MYO3B: variants seen among roughly 807,000 people sequenced by gnomAD.
The protein encoded by MYO3B is myosin-IIIb.
MYO3B carries 156 observed loss-of-function variants against 174.6 expected under a neutral mutation model. The ratio of observed to expected loss-of-function variants is 0.89; its 90% confidence interval spans 0.78 to 1.02. The LOEUF is 1.02. Among genes scored for constraint, MYO3B ranks in the 50% least tolerant of loss-of-function variants. MYO3B has a pLI of 0.00. For synonymous variants in MYO3B, 563 were observed against 569.1 expected (o/e 0.99, Z 0.15); for missense variants, 1,632 against 1,639.4 (o/e 1.00, Z 0.08).
intron 23 of MYO3B, among the ~76,000 whole-genome samples, chr2:170,457,883 C>T (rs1369427425): frequency 6.6e-6 from 1 of 152,052 alleles, no homozygotes; most frequent in Non-Finnish European, 1.5e-5. Context: ...GCCTCCTGAG[C>T]AGTTGGGACT....
At chr2:170,632,485 AG>A (rs1575299840) in intron 32 of MYO3B, among the ~76,000 whole-genome samples, 1 of 152,226 alleles carries the variant, frequency 6.6e-6, no homozygotes, top group Non-Finnish European at 1.5e-5. Context: ...AGCAGTGTGT[AG>A]AGGGAAACTT....
intron 7 of MYO3B, among the ~76,000 whole-genome samples, chr2:170,323,657 C>T (rs2105502479): frequency 6.6e-6 from 1 of 152,320 alleles, no homozygotes; most frequent in Non-Finnish European, 1.5e-5. Flanking sequence ...GTTTTCTTAT[C>T]TCTAAAACAG....
Position 170,653,043 on chromosome 2 carries a change from T to A in MYO3B, c.3948T>A (p.Cys1316Ter). The A allele has an allele frequency of 6.2e-7, 1 of 1,614,164 alleles. No individual in the cohort carries two copies. The highest frequency in any genetic ancestry group is 1.6e-4 in the Middle Eastern group (1 of 6,062). ...EYYKSLSPVD[C>*]IPEENNSAHP... ...ACAAATCTCTGTCACCAGTGGACTGTATCCCTGAGGAGAACAACTCAGCCC... is the reference window on the plus strand; with the variant it reads ...ACAAATCTCTGTCACCAGTGGACTGAATCCCTGAGGAGAACAACTCAGCCC... The change falls in exon 35 of 35, where the codon TGT becomes TGA. Residue 1316 changes from cysteine to a stop codon, truncating the protein, a stop_gained. Coordinates refer to ENST00000408978, the MANE Select transcript of MYO3B (RefSeq NM_138995.5). LOFTEE classifies it high-confidence loss of function.
intron 25 of MYO3B, among the ~76,000 whole-genome samples, chr2:170,479,325 A>G (rs1220754928): frequency 6.8e-6 from 1 of 147,742 alleles, no homozygotes; most frequent in Non-Finnish European, 1.5e-5. Flanking sequence ...TATAAATATT[A>G]TATGTATGTG....
intron 22 of MYO3B, among the ~76,000 whole-genome samples, chr2:170,418,648 C>T (rs776009122): frequency 3.3e-5 from 5 of 152,140 alleles, no homozygotes; most frequent in Non-Finnish European, 7.4e-5. Context: ...GAAGTCCCTG[C>T]ACCTCACATT....
chr2:170,460,053 A>G (rs969193801), intron 23 of MYO3B, among the ~76,000 whole-genome samples: 1 of 152,062 alleles, frequency 6.6e-6, no homozygotes, highest in South Asian at 2.1e-4. Flanking sequence ...GCCCTCGGCC[A>G]GCCCAGAGAG....
chr2:170,537,219 A>G (rs1489382738), intron 30 of MYO3B, among the ~76,000 whole-genome samples: 1 of 145,634 alleles, frequency 6.9e-6, no homozygotes, highest in Non-Finnish European at 1.5e-5. Flanking sequence ...AAAAAAACAA[A>G]AAACAAAAAG....
At chr2:170,426,530 G>T (rs1294122226) in intron 22 of MYO3B, among the ~76,000 whole-genome samples, 2 of 151,642 alleles carry the variant, frequency 1.3e-5, no homozygotes, top group Non-Finnish European at 2.9e-5. Flanking sequence ...TAGAGGCGGG[G>T]TTTCACCATG....
intron 32 of MYO3B, among the ~76,000 whole-genome samples, chr2:170,581,728 C>T (rs1693162379): frequency 6.6e-6 from 1 of 152,114 alleles, no homozygotes; most frequent in South Asian, 2.1e-4. Flanking sequence ...CCTATTAGAT[C>T]TTGCTCAACC....
intron 9 of MYO3B, among the ~76,000 whole-genome samples, chr2:170,374,743 A>C (rs115635028): frequency 0.052 from 7,104 of 136,754 alleles, 239 homozygotes; most frequent in South Asian, 0.12. Context: ...CTCTCTATAT[A>C]TATATATGCA....
intron 32 of MYO3B, among the ~76,000 whole-genome samples, chr2:170,630,271 G>A (rs1334822746): frequency 6.6e-6 from 1 of 152,204 alleles, no homozygotes; most frequent in Admixed American, 6.5e-5. Context: ...ACTTGGCGCA[G>A]TGGGTCCCAC....
At position 170,621,013 on chromosome 2, in the gene MYO3B, C is replaced by A. The variant is rs571411474; in HGVS notation, c.3734-30615C>A. ...AAGCGCTTCTCCTGCCTCAGCCTCC[C>A]GAGTAGCTGGGATTACAGGCACCCG... On this transcript the variant is annotated intron_variant, in intron 32 of 34. Transcript: ENST00000408978. 5.3e-5 allele frequency among the ~76,000 whole-genome samples: 8 copies of A among 151,894 alleles called. No individual in the cohort carries two copies. The South Asian group carries it at 1.7e-3, about 32-fold the overall frequency.
intron 8 of MYO3B, chr2:170,349,797 CA>C (rs528799752): frequency 0.064 from 6,063 of 94,276 alleles, 187 homozygotes; most frequent in African/African-American, 0.12. Flanking sequence ...GACCCTGTCT[CA>C]AAAAAAAAAA....
chr2:170,509,985 A>C lies in MYO3B; in HGVS notation c.3371-4936A>C, dbSNP rs574801494. Among the ~76,000 whole-genome samples the C allele has an allele frequency of 3.3e-5, 5 of 152,324 alleles. No individual in the cohort carries two copies. In the South Asian group the frequency reaches 1.0e-3, roughly 32 times the overall value. Reference sequence around the variant, plus strand: ...TGAGCCATAGCAGGATCACGGTTTGATTTGCTGTGGCCATGAAGTCTGAAT... The same window carrying C: ...TGAGCCATAGCAGGATCACGGTTTGCTTTGCTGTGGCCATGAAGTCTGAAT... On this transcript the variant is annotated intron_variant, in intron 28 of 34. Coordinates refer to ENST00000408978, the MANE Select transcript of MYO3B (RefSeq NM_138995.5).
At chr2:170,417,160 T>A (rs2094585984) in intron 22 of MYO3B, among the ~76,000 whole-genome samples, 1 of 152,134 alleles carries the variant, frequency 6.6e-6, no homozygotes, top group African/African-American at 2.4e-5. Flanking sequence ...TAAGCTCAAA[T>A]GTCACCTCCA....
At chr2:170,307,939 T>A (rs1464709586) in intron 7 of MYO3B, among the ~76,000 whole-genome samples, 1 of 152,078 alleles carries the variant, frequency 6.6e-6, no homozygotes, top group Non-Finnish European at 1.5e-5. Flanking sequence ...TGGTCCAGAG[T>A]CGATCCCTGC....
chr2:170,506,457 A>G (rs1014050745), intron 28 of MYO3B, among the ~76,000 whole-genome samples: 1 of 152,170 alleles, frequency 6.6e-6, no homozygotes, highest in African/African-American at 2.4e-5. Context: ...CAGGACAACT[A>G]TATTTAAACT....
intron 23 of MYO3B, among the ~76,000 whole-genome samples, chr2:170,450,735 A>G (rs532479777): frequency 1.3e-5 from 2 of 152,338 alleles, no homozygotes; most frequent in Admixed American, 6.5e-5. Context: ...ATGCAGTTTT[A>G]ATTAGTTTGA....
At chr2:170,367,237 A>G (rs970437748) in intron 8 of MYO3B, among the ~76,000 whole-genome samples, 1 of 152,248 alleles carries the variant, frequency 6.6e-6, no homozygotes, top group Non-Finnish European at 1.5e-5. Flanking sequence ...CAATTAACAC[A>G]GGAAGAAAGC....
Sources: gnomAD v4.1 joint callset for allele counts (sites outside exome capture counted in the v4.1 genomes callset) on GRCh38, gnomAD v4.1.1 for gene constraint, MANE v1.5 for transcripts, NCBI Gene and HGNC (gene_info 2026-07-23, HGNC 2026-07-21) for gene names.